CLN6: variants seen among roughly 807,000 people sequenced by gnomAD.
The protein encoded by CLN6 is ceroid-lipofuscinosis neuronal protein 6.
A neutral mutation model predicts 33.3 loss-of-function variants in CLN6; 22 were observed. That is an observed-to-expected ratio of 0.66 (90% CI 0.47 to 0.94). The LOEUF is 0.94. Ranked by LOEUF, CLN6 falls within the 40% of genes least tolerant of loss-of-function variation. The pLI, the probability that CLN6 is intolerant of heterozygous loss-of-function variation, is 0.00. For missense variants in CLN6, 387 were observed against 417.1 expected (o/e 0.93, Z 0.63); for synonymous variants, 201 against 174.6 (o/e 1.15, Z -1.19).
chr15:68,233,633 T>G (rs1892187917), upstream of CLN6, among the ~76,000 whole-genome samples: 1 of 152,240 alleles, frequency 6.6e-6, no homozygotes, highest in South Asian at 2.1e-4. The surrounding 1 kb of genome is among the most constrained non-coding windows in gnomAD (Gnocchi z 4.3). Flanking sequence ...AGGCCCCTGC[T>G]AGACTGCAGC....
chr15:68,212,865 T>C (rs1036755437), intron 3 of CLN6: 7 of 152,228 alleles, frequency 4.6e-5, no homozygotes, highest in Non-Finnish European at 7.3e-5. Context: ...GTTAATTTTA[T>C]ATAACATTTT....
In CLN6 at chr15:68,209,833, A is replaced by C; in HGVS notation, c.543-74T>G. On this transcript the variant is annotated intron_variant, in intron 5 of 6. Transcript: ENST00000249806. The surrounding 1 kb of genome is among the most constrained non-coding windows in gnomAD (Gnocchi z 4.9). Reference sequence around the variant, plus strand: ...CCCCACAACCTCTGCAACCACTCCCATGGGGTCTCATGGAGTGCCACGTCA... The same window carrying C: ...CCCCACAACCTCTGCAACCACTCCCCTGGGGTCTCATGGAGTGCCACGTCA... The C allele has an allele frequency of 1.9e-6, 3 of 1,578,918 alleles. No homozygotes were observed. The highest frequency in any genetic ancestry group is 8.7e-7 in the Non-Finnish European group (1 of 1,155,130).
rs762696591 is a variant in CLN6 at position 68,211,661 on chromosome 15, G to A, written c.486+14C>T. 7.4e-6 allele frequency: 12 copies of A among 1,612,990 alleles called. No individual in the cohort carries two copies. The highest frequency in any genetic ancestry group is 8.5e-7 in the Non-Finnish European group (1 of 1,180,006). ...TCCTAGGGCTTACAGGCAGGGAGCA[G>A]GAGGTGGCCTCACCAGCGTCTCCGG... is the stretch of plus-strand genomic sequence containing the variant. On this transcript the variant is annotated intron_variant, in intron 4 of 6. Transcript: ENST00000249806. This position sits in a 1 kb window ranked among gnomAD's most constrained non-coding sequence, Gnocchi z 5.9.
chr15:68,217,892 C>T (rs2093224821), intron 2 of CLN6, among the ~76,000 whole-genome samples: 2 of 46,598 alleles, frequency 4.3e-5, no homozygotes, highest in African/African-American at 1.3e-4. Context: ...TACCTACCTA[C>T]CTACCTACCT....
At position 68,228,144 on chromosome 15, in the gene CLN6, T is replaced by A. The variant is rs374108615; in HGVS notation, c.83+1358A>T. On this transcript the variant is annotated intron_variant, in intron 1 of 6. Transcript: ENST00000249806. This position sits in a 1 kb window ranked among gnomAD's most constrained non-coding sequence, Gnocchi z 4.4. ...GAGACAGGTGAGCTACAGTATGCGGTCTATGGCCAGTACATTGTTTCTAAG... is the reference window on the plus strand; with the variant it reads ...GAGACAGGTGAGCTACAGTATGCGGACTATGGCCAGTACATTGTTTCTAAG... Among the ~76,000 whole-genome samples, 5 of 152,126 alleles carry A rather than the reference T, an allele frequency of 3.3e-5. No homozygotes were observed. Among genetic ancestry groups the A allele is most frequent in the African/African-American group, 1.2e-4 (5 of 41,424 alleles).
Position 68,211,957 on chromosome 15 carries a change from C to A in CLN6, c.298-94G>T. On this transcript the variant is annotated intron_variant, in intron 3 of 6. Transcript: ENST00000249806. The surrounding 1 kb of genome is among the most constrained non-coding windows in gnomAD (Gnocchi z 5.9). Reference sequence around the variant, plus strand: ...CCCCTCACACCTGGGGTGGGATGGACGCTTCCAGCTGGAATGTCACTCCAA... The same window carrying A: ...CCCCTCACACCTGGGGTGGGATGGAAGCTTCCAGCTGGAATGTCACTCCAA... 7.7e-7 allele frequency: 1 copy of A among 1,300,166 alleles called. No homozygotes were observed. The highest frequency in any genetic ancestry group is 1.3e-5 in the South Asian group (1 of 77,306). The allele number at this position is 1,300,166 out of a possible 1,614,324, so 80.5% of individuals were successfully genotyped here. A position where few individuals can be genotyped will look rare whatever the true frequency, so the allele number is the denominator to read the frequency against.
At chr15:68,235,218 C>T (rs1365063203) in intron 1 of CLN6, among the ~76,000 whole-genome samples, 4 of 151,960 alleles carry the variant, frequency 2.6e-5, no homozygotes, top group Non-Finnish European at 1.5e-5. Context: ...AGTCATCTAC[C>T]CCAAACCACA....
In CLN6 at chr15:68,229,580, T is replaced by C. The variant is rs3743088; in HGVS notation, c.5A>G (p.Glu2Gly). 2.2e-4 allele frequency: 320 copies of C among 1,465,056 alleles called. No homozygotes were observed. The East Asian group carries it at 7.2e-3, about 33-fold the overall frequency. The allele number at this position is 1,465,056 out of a possible 1,614,324, so 90.8% of individuals were successfully genotyped here. A position where few individuals can be genotyped will look rare whatever the true frequency, so the allele number is the denominator to read the frequency against. The change falls in exon 1 of 7, where the codon GAG (glutamate) becomes GGG (glycine). Residue 2 changes from glutamate (E) to glycine (G), a missense_variant. Transcript: ENST00000249806. Reference sequence around the variant, plus strand: ...CAGGTGCTGCCGCCTCCGCGTCGCCTCCATGGCTGCCCCGCAGGCCCCTCG... The same window carrying C: ...CAGGTGCTGCCGCCTCCGCGTCGCCCCCATGGCTGCCCCGCAGGCCCCTCG... M[E>G]ATRRRQHLGA...
intron 1 of CLN6, among the ~76,000 whole-genome samples, chr15:68,250,063 G>A (rs1022266170): frequency 3.3e-5 from 5 of 152,028 alleles, no homozygotes; most frequent in African/African-American, 9.7e-5. Flanking sequence ...GAGTCACTGC[G>A]CCGGCCACTA....
Position 68,241,475 on chromosome 15 carries a change from A to C in CLN6, c.179+15215T>G, listed in dbSNP as rs796977129. ...CCCGACTCAACGATTTCTGCACTGG[A>C]AAAAGTGAGATTGAGGTGGACGACT... On this transcript the variant is annotated intron_variant, in intron 1 of 6. Transcript: ENST00000538696. This position sits in a 1 kb window ranked among gnomAD's most constrained non-coding sequence, Gnocchi z 4.2. Among the ~76,000 whole-genome samples, 6 of 152,272 alleles carry C rather than the reference A, an allele frequency of 3.9e-5. No homozygotes were observed. The highest frequency in any genetic ancestry group is 1.4e-4 in the African/African-American group (6 of 41,568).
chr15:68,231,604 T>G (rs2093268744), upstream of CLN6, among the ~76,000 whole-genome samples: 1 of 152,266 alleles, frequency 6.6e-6, no homozygotes, highest in Admixed American at 6.5e-5. Flanking sequence ...GTGCCCATGA[T>G]GTCATCATCG....
At position 68,229,618 on chromosome 15, in the gene CLN6, C is replaced by G. The variant is rs971420018; in HGVS notation, c.-34G>C. 1 of 1,439,824 alleles carries G rather than the reference C, an allele frequency of 6.9e-7. No individual in the cohort carries two copies. The allele number at this position is 1,439,824 out of a possible 1,614,324, so 89.2% of individuals were successfully genotyped here. A position where few individuals can be genotyped will look rare whatever the true frequency, so the allele number is the denominator to read the frequency against. ...CGCAGGCCCCTCGGCCCTGCCTTTCCGAGGAAGAGACCGGTTCAGCTCGGC... is the reference window on the plus strand; with the variant it reads ...CGCAGGCCCCTCGGCCCTGCCTTTCGGAGGAAGAGACCGGTTCAGCTCGGC... On this transcript the variant is annotated 5_prime_UTR_variant, in exon 1 of 7. Coordinates refer to ENST00000249806, the MANE Select transcript of CLN6 (RefSeq NM_017882.3).
Position 68,208,552 on chromosome 15 carries a change from C to G in CLN6, c.666-142G>C. The G allele has an allele frequency of 1.2e-6, 1 of 821,228 alleles. No individual in the cohort carries two copies. The highest frequency in any genetic ancestry group is 2.7e-5 in the East Asian group (1 of 37,550). The allele number at this position is 821,228 out of a possible 1,614,324, so 50.9% of individuals were successfully genotyped here. A position where few individuals can be genotyped will look rare whatever the true frequency, so the allele number is the denominator to read the frequency against. On this transcript the variant is annotated intron_variant, in intron 6 of 6. Coordinates refer to ENST00000249806, the MANE Select transcript of CLN6 (RefSeq NM_017882.3). The surrounding 1 kb of genome is among the most constrained non-coding windows in gnomAD (Gnocchi z 5.8). ...CCAGGGCTCAGAGAACTATGCCGCT[C>G]TAAGCCACAGCCCATGGGCAGCATA...
rs1026061156 is a variant in CLN6 at position 68,247,933 on chromosome 15, C to A, written c.179+8757G>T. Among the ~76,000 whole-genome samples, 2 of 150,512 alleles carry A rather than the reference C, an allele frequency of 1.3e-5. No homozygotes were observed. The highest frequency in any genetic ancestry group is 4.9e-5 in the African/African-American group (2 of 40,580). On this transcript the variant is annotated intron_variant, in intron 1 of 6. Transcript: ENST00000538696. This position sits in a 1 kb window ranked among gnomAD's most constrained non-coding sequence, Gnocchi z 4.2. ...ATCCTAGCTACTTGGGAGGCTGAGGCAGGAGAATCACTTGAACCTGGGAGG... is the reference window on the plus strand; with the variant it reads ...ATCCTAGCTACTTGGGAGGCTGAGGAAGGAGAATCACTTGAACCTGGGAGG...
chr15:68,208,226 G>C lies in CLN6; in HGVS notation c.850C>G (p.Pro284Ala). The C allele has an allele frequency of 1.2e-6, 2 of 1,613,980 alleles. No homozygotes were observed. Among genetic ancestry groups the C allele is most frequent in the Non-Finnish European group, 8.5e-7 (1 of 1,180,002 alleles). ...CCCGGGTACTTCTTCCTGAGAACAG[G>C]GTCATTCCACAGCCAGGCGACCCAG... ...ALWVAWLWNDPVLRKKYPGVI... is the reference protein window; with the variant it reads ...ALWVAWLWNDAVLRKKYPGVI... The change falls in exon 7 of 7, where the codon CCT (proline) becomes GCT (alanine). Residue 284 changes from proline (P) to alanine (A), a missense_variant. Coordinates refer to ENST00000249806, the MANE Select transcript of CLN6 (RefSeq NM_017882.3). This position sits in a 1 kb window ranked among gnomAD's most constrained non-coding sequence, Gnocchi z 5.8.
At chr15:68,250,578 T>C (rs1396664267) in intron 1 of CLN6, among the ~76,000 whole-genome samples, 5 of 137,660 alleles carry the variant, frequency 3.6e-5, no homozygotes, top group Non-Finnish European at 7.5e-5. Context: ...AGAGCCAAGA[T>C]CGCACCACTG....
At chr15:68,250,689 T>C (rs1333072285) in intron 1 of CLN6, among the ~76,000 whole-genome samples, 1 of 151,124 alleles carries the variant, frequency 6.6e-6, no homozygotes, top group Non-Finnish European at 1.5e-5. Flanking sequence ...CAGATTTTCA[T>C]GGAGCAAATG....
In CLN6 at chr15:68,246,800, T is replaced by A. The variant is rs1056651389; in HGVS notation, c.179+9890A>T. On this transcript the variant is annotated intron_variant, in intron 1 of 6. Coordinates refer to the CLN6 transcript ENST00000538696. The surrounding 1 kb of genome is among the most constrained non-coding windows in gnomAD (Gnocchi z 4.5). ...AATGAAAATTGGTTTTTTGAAAAGA[T>A]AAACAAAATTAACAGACCATTAACT... Among the ~76,000 whole-genome samples, 2 of 151,978 alleles carry A rather than the reference T, an allele frequency of 1.3e-5. No homozygotes were observed. The highest frequency in any genetic ancestry group is 1.3e-4 in the Admixed American group (2 of 15,264).
chr15:68,231,244 A>G (rs2093268135), upstream of CLN6, among the ~76,000 whole-genome samples: 1 of 152,090 alleles, frequency 6.6e-6, no homozygotes, highest in African/African-American at 2.4e-5. Flanking sequence ...AGCAGCCCAC[A>G]GGCCACACCT....
Sources: allele counts gnomAD v4.1 joint callset (sites outside exome capture counted in the v4.1 genomes callset), GRCh38; gene constraint gnomAD v4.1.1; non-coding constraint Gnocchi (gnomAD v3.1); transcripts MANE v1.5; gene names NCBI Gene and HGNC (gene_info 2026-07-23, HGNC 2026-07-21).